The following ALOX15 variants were observed in gnomAD, a reference collection of about 807,000 sequenced individuals.
The protein encoded by ALOX15 is arachidonate 15-lipoxygenase, also known as polyunsaturated fatty acid lipoxygenase ALOX15.
Under a neutral mutation model 71.7 loss-of-function variants are expected in ALOX15, and 68 were observed. That is an observed-to-expected ratio of 0.95 (90% CI 0.78 to 1.16). The LOEUF (loss-of-function observed/expected upper bound fraction) is 1.16. Among genes scored for constraint, ALOX15 ranks in the 50% most tolerant of loss-of-function variants. ALOX15 has a pLI of 0.00. For missense variants in ALOX15, 798 were observed against 818.8 expected (o/e 0.97, Z 0.31); for synonymous variants, 346 against 333.3 (o/e 1.04, Z -0.42).
chr17:4,635,751 G>A lies in ALOX15; in HGVS notation c.1161+8C>T. 1.2e-6 allele frequency: 2 copies of A among 1,614,108 alleles called. No individual in the cohort carries two copies. The highest frequency in any genetic ancestry group is 1.7e-6 in the Non-Finnish European group (2 of 1,179,966). On this transcript the variant is annotated splice_region_variant and intron_variant, in intron 8 of 13. Coordinates refer to ENST00000293761, the MANE Select transcript of ALOX15 (RefSeq NM_001140.5). ...TGGCAGGCAAGAGAGAAGGGGATAA[G>A]GAGTTACCTTGAAGATAGGATGTAT...
Position 4,631,736 on chromosome 17 carries a change from T to G in ALOX15, c.1853A>C (p.Glu618Ala). ...QHEEEYFSGP[E>A]PKAVLKKFRE... ...GAACTTCTTCAGCACAGCCTTAGGCTCAGGGCCCGAAAAATACTCCTCCTC... is the reference window on the plus strand; with the variant it reads ...GAACTTCTTCAGCACAGCCTTAGGCGCAGGGCCCGAAAAATACTCCTCCTC... The change falls in exon 14 of 14, where the codon GAG (glutamate) becomes GCG (alanine). Residue 618 changes from glutamate to alanine, a missense_variant. By Grantham distance (107) the Glu-to-Ala change is moderately radical. Coordinates refer to ENST00000293761, the MANE Select transcript of ALOX15 (RefSeq NM_001140.5). 6.2e-7 allele frequency: 1 copy of G among 1,614,032 alleles called. No homozygotes were observed.
chr17:4,638,748 G>A (rs1911206909), intron 4 of ALOX15, 64 bp from the exon 5 acceptor site: 1 of 1,613,306 alleles, frequency 6.2e-7, no homozygotes, highest in Non-Finnish European at 8.5e-7. Flanking sequence ...GACGACCACA[G>A]GCACCGATCC....
rs770441178 is a variant in ALOX15 at position 4,639,057 on chromosome 17, A to G, written c.413T>C (p.Leu138Ser). Residue 138 changes from leucine (L) to serine (S), a missense_variant, in exon 3 of 14, where the codon TTG becomes TCG. By Grantham distance (145) the Leu-to-Ser change is moderately radical. Coordinates refer to ENST00000293761, the MANE Select transcript of ALOX15 (RefSeq NM_001140.5). ...REEELEERRK[L>S]YRWGNWKDGL... is the part of the protein sequence containing the mutation. ...TCAGGGGAGGAGGGCTCACCGGTACAACTTCCTTCTCTCTTCCAGCTCTTC... is the reference window on the plus strand; with the variant it reads ...TCAGGGGAGGAGGGCTCACCGGTACGACTTCCTTCTCTCTTCCAGCTCTTC... 10 of 1,614,136 alleles carry G rather than the reference A, an allele frequency of 6.2e-6. 1 individual carries two copies. In the South Asian group the frequency reaches 1.1e-4, roughly 18 times the overall value.
At position 4,638,976 on chromosome 17, in the gene ALOX15, T is replaced by TG. The variant is rs753575821; in HGVS notation, c.420-5dup. ...CCCGTCCTTCCAGTTTCCCCACCTG[T>TG]GGGGCAGGAAGGAAATCAAGTATGG... is the stretch of plus-strand genomic sequence containing the variant. On this transcript the variant is annotated splice_region_variant and splice_polypyrimidine_tract_variant and intron_variant, in intron 3 of 13. Coordinates refer to ENST00000293761, the MANE Select transcript of ALOX15 (RefSeq NM_001140.5). The TG allele has an allele frequency of 6.2e-7, 1 of 1,614,166 alleles. No individual in the cohort carries two copies. Among genetic ancestry groups the TG allele is most frequent in the South Asian group, 1.1e-5 (1 of 91,070 alleles).
At chr17:4,633,076 G>C (rs779702448) in intron 10 of ALOX15, 70 bp downstream of exon 10, 61 of 1,609,056 alleles carry the variant, frequency 3.8e-5, no homozygotes, top group Non-Finnish European at 5.1e-5. Flanking sequence ...ACCAGACGCA[G>C]ACCTCCTGCT....
Position 4,639,112 on chromosome 17 carries a change from G to A in ALOX15, c.358C>T (p.Pro120Ser). The change falls in exon 3 of 14, where the codon CCT (proline) becomes TCT (serine). Residue 120 changes from proline (P) to serine (S), a missense_variant. By Grantham distance (74) the Pro-to-Ser change is moderately conservative. This residue lies in a region of ALOX15 where 300 missense variants were observed against 283.1 expected (regional missense o/e 1.06). Coordinates refer to ENST00000293761, the MANE Select transcript of ALOX15 (RefSeq NM_001140.5). ...CGGTGTTTCTGGAACAGGCCCTGAG[G>A]GTCCTCGCCCACAGTGCGGCCTAGA... ...EGTGRTVGED[P>S]QGLFQKHREE... 6.2e-7 allele frequency: 1 copy of A among 1,614,146 alleles called. No individual in the cohort carries two copies. The highest frequency in any genetic ancestry group is 1.1e-5 in the South Asian group (1 of 91,084).
In ALOX15 at chr17:4,631,407, G is replaced by A. The variant is rs1910890119; in HGVS notation, c.*193C>T. On this transcript the variant is annotated 3_prime_UTR_variant, in exon 14 of 14. Coordinates refer to ENST00000293761, the MANE Select transcript of ALOX15 (RefSeq NM_001140.5). Reference sequence around the variant, plus strand: ...GATAGGAAAGGAGGAAGGAAGGAAAGAGGAGTAAGGTCCCAGGTGATGCCT... The same window carrying A: ...GATAGGAAAGGAGGAAGGAAGGAAAAAGGAGTAAGGTCCCAGGTGATGCCT... The A allele has an allele frequency of 1.6e-6, 1 of 608,344 alleles. No individual in the cohort carries two copies. Among genetic ancestry groups the A allele is most frequent in the Non-Finnish European group, 2.8e-6 (1 of 354,722 alleles). The allele number at this position is 608,344 out of a possible 1,614,324, so 37.7% of individuals were successfully genotyped here. A position where few individuals can be genotyped will look rare whatever the true frequency, so the allele number is the denominator to read the frequency against.
chr17:4,639,639 C>T lies in ALOX15; in HGVS notation c.136-8G>A. On this transcript the variant is annotated splice_region_variant and splice_polypyrimidine_tract_variant and intron_variant, in intron 1 of 13. Coordinates refer to ENST00000293761, the MANE Select transcript of ALOX15 (RefSeq NM_001140.5). The stretch of plus-strand genomic sequence containing the variant: ...CACCTTGAGTTCTGTCTCCTGCGGG[C>T]GACAGAAGAGGCTCAGCCCCGGTGG... 1 of 1,606,058 alleles carries T rather than the reference C, an allele frequency of 6.2e-7. No homozygotes were observed. The highest frequency in any genetic ancestry group is 1.1e-5 in the South Asian group (1 of 90,188).
At chr17:4,632,342 A>C in intron 11 of ALOX15, 61 bp from the exon 12 acceptor site, 1 of 1,316,354 alleles carries the variant, frequency 7.6e-7, no homozygotes. Flanking sequence ...GCTCAGAGGA[A>C]GAGGCCAAGA....
chr17:4,639,055 A>G lies in ALOX15; in HGVS notation c.415T>C (p.Tyr139His). The G allele has an allele frequency of 4.3e-6, 7 of 1,614,168 alleles. No homozygotes were observed. The highest frequency in any genetic ancestry group is 5.1e-6 in the Non-Finnish European group (6 of 1,180,010). The change falls in exon 3 of 14, where the codon TAC becomes CAC. Residue 139 changes from tyrosine to histidine, a missense_variant. Physicochemically the swap from Tyr to His is moderately conservative, Grantham distance 83. Transcript: ENST00000293761. ...EEELEERRKL[Y>H]RWGNWKDGLI... is the part of the protein sequence containing the mutation. Reference sequence around the variant, plus strand: ...GGTCAGGGGAGGAGGGCTCACCGGTACAACTTCCTTCTCTCTTCCAGCTCT... The same window carrying G: ...GGTCAGGGGAGGAGGGCTCACCGGTGCAACTTCCTTCTCTCTTCCAGCTCT...
chr17:4,639,026 G>C, intron 3 of ALOX15, 25 bp downstream of exon 3: 1 of 1,614,198 alleles, frequency 6.2e-7, no homozygotes, highest in Non-Finnish European at 8.5e-7. Flanking sequence ...AGCAGCTCAC[G>C]TGGGGTCAGG....
intron 8 of ALOX15, 37 bp downstream of exon 8, chr17:4,635,722 A>G (rs1189237521): frequency 6.2e-7 from 1 of 1,607,886 alleles, no homozygotes; most frequent in African/African-American, 1.3e-5. Flanking sequence ...TGGGGCAGAG[A>G]TAGTGGCAGG....
intron 1 of ALOX15, among the ~76,000 whole-genome samples, chr17:4,640,200 C>G (rs1911269664): frequency 7.7e-6 from 1 of 129,780 alleles, no homozygotes; most frequent in African/African-American, 3.0e-5. Context: ...GGTCCGGAGG[C>G]TCTCGAAGGT....
At chr17:4,636,646 C>T (rs1911111047) in intron 7 of ALOX15, among the ~76,000 whole-genome samples, 2 of 152,150 alleles carry the variant, frequency 1.3e-5, no homozygotes, top group Non-Finnish European at 1.5e-5. Context: ...GCCCACACCG[C>T]GTGCCCACAG....
intron 7 of ALOX15, among the ~76,000 whole-genome samples, chr17:4,636,893 C>T (rs1287439395): frequency 6.6e-6 from 1 of 152,134 alleles, no homozygotes; most frequent in East Asian, 1.9e-4. Context: ...TGTCTCTGTC[C>T]TCAGGGACTT....
rs190097123 is a variant in ALOX15 at position 4,638,696 on chromosome 17, G to A, written c.543-12C>T. On this transcript the variant is annotated splice_polypyrimidine_tract_variant and intron_variant, in intron 4 of 13. Coordinates refer to ENST00000293761, the MANE Select transcript of ALOX15 (RefSeq NM_001140.5). The stretch of plus-strand genomic sequence containing the variant: ...CGAGGTCGGCCAGCCTTCAGGGCAG[G>A]ATGGGGCAAAGGGTTTGAGCATCAT... The A allele has an allele frequency of 6.2e-7, 1 of 1,613,882 alleles. No individual in the cohort carries two copies. Among genetic ancestry groups the A allele is most frequent in the East Asian group, 2.2e-5 (1 of 44,878 alleles).
rs138643967 is a variant in ALOX15 at position 4,632,632 on chromosome 17, G to A, written c.1540+229C>T. Among the ~76,000 whole-genome samples, 937 of 152,294 alleles carry A rather than the reference G, an allele frequency of 6.2e-3. 11 individuals carry two copies. Among genetic ancestry groups the A allele is most frequent in the African/African-American group, 0.02 (846 of 41,548 alleles). On this transcript the variant is annotated intron_variant, in intron 11 of 13. Coordinates refer to ENST00000293761, the MANE Select transcript of ALOX15 (RefSeq NM_001140.5). ...GGACGGTTCTTCCCGAGAGTCAGTT[G>A]TTAAACATTTATGAGCAGCCACTGG...
chr17:4,632,051 G>A lies in ALOX15; in HGVS notation c.1647C>T (p.Asp549=), dbSNP rs750452049. The change falls in exon 13 of 14, where the codon GAC becomes GAT. Residue 549 remains aspartate (D), a synonymous_variant. Coordinates refer to ENST00000293761, the MANE Select transcript of ALOX15 (RefSeq NM_001140.5). ...GTGCATTAGGCACCCAAGAGTACCA[G>A]TCCAGCTAAGGAAGGGCAGGGATCC... ...QHASVHLGQL[D]WYSWVPNAPC... is the part of the protein sequence containing the mutation. 1.2e-6 allele frequency: 2 copies of A among 1,611,216 alleles called. No individual in the cohort carries two copies. Among genetic ancestry groups the A allele is most frequent in the South Asian group, 1.1e-5 (1 of 90,786 alleles).
At chr17:4,633,586 AC>A in intron 8 of ALOX15, 86 bp from the exon 9 acceptor site, 1 of 1,165,228 alleles carries the variant, frequency 8.6e-7, no homozygotes. Context: ...CAGGAAAGGC[AC>A]CAGGTCTTCA....
Sources: gnomAD v4.1 joint callset for allele counts (sites outside exome capture counted in the v4.1 genomes callset) on GRCh38, gnomAD v4.1.1 for gene constraint, gnomAD v4.1.1 regional missense constraint, MANE v1.5 for transcripts, NCBI Gene and HGNC (gene_info 2026-07-23, HGNC 2026-07-21) for gene names.